The following CAMK4 variants were observed in gnomAD, a reference collection of about 807,000 sequenced individuals.
The protein encoded by CAMK4 is calcium/calmodulin dependent protein kinase IV, also known as calcium/calmodulin-dependent protein kinase type IV.
Under a neutral mutation model 44.9 loss-of-function variants are expected in CAMK4, and 22 were observed. The observed-to-expected ratio is 0.49, with a 90% CI of 0.35 to 0.70. The LOEUF (loss-of-function observed/expected upper bound fraction) is 0.70, where lower values mean the gene tolerates loss of function less well. Ranked by LOEUF, CAMK4 falls within the 30% of genes least tolerant of loss-of-function variation. The pLI is 0.01. For missense variants in CAMK4, 498 were observed against 586.8 expected (o/e 0.85, Z 1.56); for synonymous variants, 218 against 215.4 (o/e 1.01, Z -0.11).
chr5:111,421,960 G>A (rs1352050267), intron 5 of CAMK4, among the ~76,000 whole-genome samples: 1 of 152,194 alleles, frequency 6.6e-6, no homozygotes, highest in East Asian at 1.9e-4. Flanking sequence ...CATGTAAGAT[G>A]TGCCTTTGTT....
chr5:111,450,490 A>C (rs920506235), intron 7 of CAMK4, among the ~76,000 whole-genome samples: 3 of 150,642 alleles, frequency 2.0e-5, no homozygotes, highest in Non-Finnish European at 4.4e-5. Context: ...CACAATCTAC[A>C]AGAAAACAGA....
intron 1 of CAMK4, among the ~76,000 whole-genome samples, chr5:111,321,741 T>G (rs1391495187): frequency 3.3e-5 from 5 of 152,190 alleles, no homozygotes; most frequent in Non-Finnish European, 7.3e-5. Context: ...TATAATTATA[T>G]CTCATGCCTC....
chr5:111,238,345 A>G (rs1411838408), intron 1 of CAMK4, among the ~76,000 whole-genome samples: 1 of 152,172 alleles, frequency 6.6e-6, no homozygotes, highest in Non-Finnish European at 1.5e-5. Flanking sequence ...TGCCTTCGGC[A>G]GAAAATTAGG....
chr5:111,443,242 C>CTATATATATATATATATATA (rs1753888099), intron 5 of CAMK4, among the ~76,000 whole-genome samples: 1 of 65,824 alleles, frequency 1.5e-5, no homozygotes, highest in Non-Finnish European at 2.8e-5. Context: ...CCTCCCCCTA[C>CTATATATATATATATATATA]CATATATATA....
At chr5:111,388,102 G>A (rs1292694746) in intron 4 of CAMK4, among the ~76,000 whole-genome samples, 2 of 152,160 alleles carry the variant, frequency 1.3e-5, no homozygotes, top group Non-Finnish European at 2.9e-5. Flanking sequence ...TGGGAACAAA[G>A]CTCCTTTTAG....
intron 1 of CAMK4, among the ~76,000 whole-genome samples, chr5:111,332,811 G>A (rs1269653972): frequency 6.6e-6 from 1 of 151,290 alleles, no homozygotes; most frequent in Non-Finnish European, 1.5e-5. Context: ...AAAATTGCAG[G>A]GCCATTAGAA....
chr5:111,398,156 C>G (rs1463156878), intron 5 of CAMK4, among the ~76,000 whole-genome samples: 2 of 152,172 alleles, frequency 1.3e-5, no homozygotes, highest in African/African-American at 4.8e-5. Context: ...CACAAAGTGA[C>G]ATACGGTTAA....
intron 4 of CAMK4, among the ~76,000 whole-genome samples, chr5:111,389,097 G>A (rs1488982195): frequency 6.6e-6 from 1 of 152,310 alleles, no homozygotes; most frequent in East Asian, 1.9e-4. Flanking sequence ...CTGGAGGCTG[G>A]AAAGTCCAAG....
chr5:111,399,288 C>T (rs984847552), intron 5 of CAMK4, among the ~76,000 whole-genome samples: 3 of 152,132 alleles, frequency 2.0e-5, no homozygotes, highest in Admixed American at 6.5e-5. Context: ...TTCTATGGCT[C>T]ATTTCTCTAC....
intron 1 of CAMK4, among the ~76,000 whole-genome samples, chr5:111,334,782 CAA>C (rs913511814): frequency 1.3e-5 from 2 of 148,278 alleles, no homozygotes. Context: ...AGATTGAAAA[CAA>C]AAACTTTAAC....
chr5:111,321,059 A>T lies in CAMK4; in HGVS notation c.162-22965A>T, dbSNP rs77772122. On this transcript the variant is annotated intron_variant, in intron 1 of 10. Transcript: ENST00000282356. ...AGGTGACATGAAATAAGCTCTAATA[A>T]TTGATAATCCTACCTACACCCCTGG... is the stretch of plus-strand genomic sequence containing the variant. Among the ~76,000 whole-genome samples, 1,176 of 152,278 alleles carry T rather than the reference A, an allele frequency of 7.7e-3. 14 individuals are homozygous for T. Among genetic ancestry groups the T allele is most frequent in the African/African-American group, 0.026 (1,098 of 41,564 alleles).
Position 111,493,590 on chromosome 5 carries a change from C to G in CAMK4, c.*9124C>G, listed in dbSNP as rs1451397614. 1 of 152,184 alleles carries G rather than the reference C, an allele frequency of 6.6e-6. No homozygotes were observed. The highest frequency in any genetic ancestry group is 2.4e-5 in the African/African-American group (1 of 41,446). 9.4% of individuals were successfully genotyped at this position (152,184 alleles called of 1,614,324 possible). On this transcript the variant is annotated 3_prime_UTR_variant, in exon 11 of 11. Coordinates refer to ENST00000282356, the MANE Select transcript of CAMK4 (RefSeq NM_001744.6). The surrounding 1 kb of genome is among the most constrained non-coding windows in gnomAD (Gnocchi z 4.1). ...ATTTTAAAAGACAACCTGTAGGAAG[C>G]TAAGTCTCAGGCAACAAAATTTAAA...
At chr5:111,417,288 G>A (rs997567633) in intron 5 of CAMK4, among the ~76,000 whole-genome samples, 4 of 150,190 alleles carry the variant, frequency 2.7e-5, no homozygotes, top group East Asian at 2.0e-4. Flanking sequence ...GCAGTGGCCC[G>A]ATCTCAGTAC....
intron 8 of CAMK4, among the ~76,000 whole-genome samples, chr5:111,476,627 G>C (rs1430555245): frequency 6.6e-6 from 1 of 151,960 alleles, no homozygotes; most frequent in Non-Finnish European, 1.5e-5. Flanking sequence ...GCTATTGATG[G>C]GGCCTTGCTA....
chr5:111,259,195 G>A (rs1276658642), intron 1 of CAMK4, among the ~76,000 whole-genome samples: 2 of 152,148 alleles, frequency 1.3e-5, no homozygotes, highest in Non-Finnish European at 2.9e-5. Context: ...GCTTCTTGGA[G>A]GGTAAATACA....
intron 5 of CAMK4, among the ~76,000 whole-genome samples, chr5:111,434,543 AT>A (rs1004088219): frequency 6.6e-6 from 1 of 152,204 alleles, no homozygotes; most frequent in African/African-American, 2.4e-5. Flanking sequence ...TCCATGGATC[AT>A]GGCTTAGCAC....
chr5:111,257,062 A>C (rs1445196445), intron 1 of CAMK4, among the ~76,000 whole-genome samples: 2 of 152,264 alleles, frequency 1.3e-5, no homozygotes, highest in Non-Finnish European at 2.9e-5. Flanking sequence ...AAGAAAATCT[A>C]GGTGATACTA....
chr5:111,425,460 C>T (rs893140718), intron 5 of CAMK4, among the ~76,000 whole-genome samples: 38 of 152,194 alleles, frequency 2.5e-4, no homozygotes, highest in African/African-American at 8.0e-4. Context: ...CCTGCCACCT[C>T]CTCCTTCAAG....
chr5:111,278,413 A>G (rs1303224436), intron 1 of CAMK4, among the ~76,000 whole-genome samples: 2 of 152,226 alleles, frequency 1.3e-5, no homozygotes, highest in South Asian at 4.1e-4. Flanking sequence ...ATAGTTCAAA[A>G]TAATTTGGGA....
Sources: allele counts gnomAD v4.1 joint callset (sites outside exome capture counted in the v4.1 genomes callset), GRCh38; gene constraint gnomAD v4.1.1; non-coding constraint Gnocchi (gnomAD v3.1); transcripts MANE v1.5; gene names NCBI Gene and HGNC (gene_info 2026-07-23, HGNC 2026-07-21).